UBR4: variants seen among roughly 807,000 people sequenced by gnomAD.
The protein encoded by UBR4 is E3 ubiquitin-protein ligase UBR4.
A neutral mutation model predicts 575.6 loss-of-function variants in UBR4; 124 were observed. The ratio of observed to expected loss-of-function variants is 0.22; its 90% CI spans 0.19 to 0.25. The LOEUF is 0.25. UBR4 is among the 10% of genes least tolerant of loss of function. The pLI is 1.00. For missense variants in UBR4, 4,818 were observed against 6,478.8 expected, an observed-to-expected ratio of 0.74 and a Z score of 8.80; for synonymous variants, 2,455 against 2,473.7, an observed-to-expected ratio of 0.99 and a Z score of 0.22.
Position 19,162,530 on chromosome 1 carries a change from G to T in UBR4, c.4846C>A (p.Gln1616Lys). 1.2e-6 allele frequency: 2 copies of T among 1,614,152 alleles called. No individual in the cohort carries two copies. Among genetic ancestry groups the T allele is most frequent in the South Asian group, 1.1e-5 (1 of 91,072 alleles). The change falls in exon 35 of 106, where the codon CAA becomes AAA. Residue 1616 changes from glutamine to lysine, a missense_variant. Gln to Lys is a moderately conservative substitution (Grantham distance 53). This residue lies in a region of UBR4 where 1,172 missense variants were observed against 1,259.7 expected (regional missense o/e 0.93). Transcript: ENST00000375254. The stretch of plus-strand genomic sequence containing the variant: ...TCCACTGAGAGATGACTTGGGCCTT[G>T]ACCATTACTCTGGCTCAGGGCATTC... ...VTNALSQSNG[Q>K]GPSHLSVDGE...
At position 19,121,920 on chromosome 1, in the gene UBR4, G is replaced by A. The variant is rs770435263; in HGVS notation, c.9895+14C>T. The A allele has an allele frequency of 1.9e-6, 3 of 1,614,054 alleles. 1 individual carries two copies. The highest frequency in any genetic ancestry group is 2.7e-5 in the African/African-American group (2 of 75,070). ...GAATGAATAACAGCAATCAAAAGGA[G>A]CAGCATTGCTTACAGTCATCTTTGA... On this transcript the variant is annotated intron_variant, in intron 67 of 105. Coordinates refer to ENST00000375254, the MANE Select transcript of UBR4 (RefSeq NM_020765.3).
intron 29 of UBR4, among the ~76,000 whole-genome samples, chr1:19,166,160 C>A (rs957658540): frequency 6.6e-6 from 1 of 152,188 alleles, no homozygotes; most frequent in East Asian, 1.9e-4. Flanking sequence ...AAAACCTGGA[C>A]TACTCAACAA....
chr1:19,200,152 T>C (rs1178689013), intron 2 of UBR4, among the ~76,000 whole-genome samples: 1 of 152,158 alleles, frequency 6.6e-6, no homozygotes, highest in African/African-American at 2.4e-5. Flanking sequence ...CTAGAGTTCA[T>C]GCTCTTAACC....
chr1:19,150,598 G>A lies in UBR4; in HGVS notation c.7409C>T (p.Thr2470Ile), dbSNP rs1359453221. The A allele has an allele frequency of 6.2e-7, 1 of 1,613,460 alleles. No individual in the cohort carries two copies. Among genetic ancestry groups the A allele is most frequent in the Non-Finnish European group, 8.5e-7 (1 of 1,180,032 alleles). The change falls in exon 49 of 106, where the codon ACC becomes ATC. Residue 2470 changes from threonine to isoleucine, a missense_variant. Coordinates refer to ENST00000375254, the MANE Select transcript of UBR4 (RefSeq NM_020765.3). The stretch of plus-strand genomic sequence containing the variant: ...GTACCTCTCCAGGACAGTTCCACTG[G>A]TCGTAGTGGGGGCAGCTGAGTCGCT... Reference protein sequence around the residue: ...GDSDSAAPTTTSGTVLERLVV... With the variant: ...GDSDSAAPTTISGTVLERLVV...
intron 83 of UBR4, 46 bp from the exon 84 acceptor site, chr1:19,105,888 T>G: frequency 7.0e-7 from 1 of 1,438,470 alleles, no homozygotes; most frequent in Non-Finnish European, 9.2e-7. Flanking sequence ...GAGGATGCCC[T>G]GCCTCACCAG....
chr1:19,198,235 A>G (rs1421150791), intron 5 of UBR4, among the ~76,000 whole-genome samples, 186 bp from the exon 6 acceptor site: 2 of 152,226 alleles, frequency 1.3e-5, no homozygotes, highest in Non-Finnish European at 2.9e-5. Context: ...CAGCTTTAAA[A>G]TATATATATG....
chr1:19,179,285 C>T, intron 17 of UBR4, 65 bp from the exon 18 acceptor site: 2 of 1,437,682 alleles, frequency 1.4e-6, no homozygotes, highest in Non-Finnish European at 9.2e-7. Context: ...AAAGGTTACT[C>T]ATGTTCTCAA....
intron 60 of UBR4, among the ~76,000 whole-genome samples, chr1:19,133,096 T>C (rs1380084434): frequency 6.6e-6 from 1 of 152,178 alleles, no homozygotes; most frequent in African/African-American, 2.4e-5. Context: ...GATCATGCCC[T>C]GACTTATTTT....
intron 35 of UBR4, among the ~76,000 whole-genome samples, chr1:19,162,104 A>G (rs1451161801): frequency 6.6e-6 from 1 of 152,210 alleles, no homozygotes; most frequent in Non-Finnish European, 1.5e-5. Flanking sequence ...GTGGTTAAGA[A>G]AAAACATCTT....
At chr1:19,143,283 A>AAAGG (rs2084325800) in intron 55 of UBR4, among the ~76,000 whole-genome samples, 2 of 87,274 alleles carry the variant, frequency 2.3e-5, no homozygotes, top group South Asian at 3.0e-4. Flanking sequence ...AGAAAGAAAG[A>AAAGG]AAGAAAGAAA....
At chr1:19,187,662 A>T in intron 11 of UBR4, 122 bp from the exon 12 acceptor site, 1 of 796,984 alleles carries the variant, frequency 1.3e-6, no homozygotes, top group Non-Finnish European at 1.9e-6. Context: ...GGACCTTCAG[A>T]AAAAAAAAAT....
In UBR4 at chr1:19,084,565, G is replaced by C. The variant is rs1256187712; in HGVS notation, c.14947C>G (p.Arg4983Gly). The C allele has an allele frequency of 1.2e-6, 2 of 1,614,024 alleles. No homozygotes were observed. Among genetic ancestry groups the C allele is most frequent in the Admixed American group, 1.7e-5 (1 of 59,998 alleles). Reference protein sequence around the residue: ...SFSADTGGGGRESNIHLIPYI... With the variant: ...SFSADTGGGGGESNIHLIPYI... ...GGGATCAGGTGGATGTTGCTCTCCC[G>C]GCCGCCCCCGCCAGTGTCTGCGCTG... The change falls in exon 102 of 106, where the codon CGG becomes GGG. Residue 4983 changes from arginine to glycine, a missense_variant. Physicochemically the swap from Arg to Gly is moderately radical, Grantham distance 125. Coordinates refer to ENST00000375254, the MANE Select transcript of UBR4 (RefSeq NM_020765.3).
Position 19,180,731 on chromosome 1 carries a change from T to C in UBR4, c.2185-1511A>G, listed in dbSNP as rs186380009. ...GCTTTTTTTTGCTCATTTTTCATCT[T>C]TGTGTCAGTTTTTCAGTCCTCAGAG... On this transcript the variant is annotated intron_variant, in intron 17 of 105. Coordinates refer to ENST00000375254, the MANE Select transcript of UBR4 (RefSeq NM_020765.3). Among the ~76,000 whole-genome samples, 63 of 152,278 alleles carry C rather than the reference T, an allele frequency of 4.1e-4. 1 individual carries two copies. The highest frequency in any genetic ancestry group is 4.0e-3 in the Admixed American group (61 of 15,302).
At chr1:19,112,464 G>A in intron 78 of UBR4, 60 bp downstream of exon 78, 1 of 1,539,192 alleles carries the variant, frequency 6.5e-7, no homozygotes, top group East Asian at 2.3e-5. Flanking sequence ...TAACGCTCCT[G>A]GCATGGCTGC....
At chr1:19,184,377 C>T (rs1312416308) in intron 15 of UBR4, among the ~76,000 whole-genome samples, 2 of 152,192 alleles carry the variant, frequency 1.3e-5, no homozygotes, top group Non-Finnish European at 2.9e-5. Flanking sequence ...TCTACTTACA[C>T]AAAATGGCAT....
Position 19,081,476 on chromosome 1 carries a change from A to G in UBR4, c.15106T>C (p.Tyr5036His). ...VESAFEVDGPYYFTVLALHIL... is the reference protein window; with the variant it reads ...VESAFEVDGPHYFTVLALHIL... The stretch of plus-strand genomic sequence containing the variant: ...TGAAGGGCCAAGACTGTGAAATAGT[A>G]GGGCCCGTCCACTTCAAAGGCACTC... Residue 5036 changes from tyrosine to histidine, a missense_variant, in exon 103 of 106, where the codon TAC becomes CAC. Physicochemically the swap from Tyr to His is moderately conservative, Grantham distance 83 (BLOSUM62 2). This residue lies in a region of UBR4 where 212 missense variants were observed against 221.3 expected (regional missense o/e 0.96). Coordinates refer to ENST00000375254, the MANE Select transcript of UBR4 (RefSeq NM_020765.3). The G allele has an allele frequency of 6.2e-7, 1 of 1,613,980 alleles. No individual in the cohort carries two copies. The highest frequency in any genetic ancestry group is 1.1e-5 in the South Asian group (1 of 91,062).
chr1:19,092,223 CACATGATGTT>C (rs2077590752), intron 97 of UBR4, among the ~76,000 whole-genome samples: 1 of 152,076 alleles, frequency 6.6e-6, no homozygotes, highest in Non-Finnish European at 1.5e-5. Context: ...GCTCGGGTTC[CACATGATGTT>C]ACCACTGGGG....
chr1:19,183,697 G>A, intron 17 of UBR4, 114 bp downstream of exon 17: 1 of 1,085,122 alleles, frequency 9.2e-7, no homozygotes, highest in South Asian at 1.4e-5. Flanking sequence ...ACTCCAGCCT[G>A]GGTAACAGAG....
At chr1:19,084,993 T>G (rs1221148550) in intron 101 of UBR4, among the ~76,000 whole-genome samples, 1 of 152,236 alleles carries the variant, frequency 6.6e-6, no homozygotes, top group Non-Finnish European at 1.5e-5. Flanking sequence ...ATACCGTGGC[T>G]GCATGTGGAG....
Sources: gnomAD v4.1 joint callset for allele counts (sites outside exome capture counted in the v4.1 genomes callset) on GRCh38, gnomAD v4.1.1 for gene constraint, gnomAD v4.1.1 regional missense constraint, MANE v1.5 for transcripts, NCBI Gene and HGNC (gene_info 2026-07-23, HGNC 2026-07-21) for gene names.